XIRP2: variants seen among roughly 807,000 people sequenced by gnomAD.
The protein encoded by XIRP2 is xin actin-binding repeat-containing protein 2.
A neutral mutation model predicts 277.0 loss-of-function variants in XIRP2; 236 were observed. The observed-to-expected ratio is 0.85, with a 90% CI of 0.77 to 0.95. The LOEUF (loss-of-function observed/expected upper bound fraction) is 0.95. Among genes scored for constraint, XIRP2 ranks in the 40% least tolerant of loss-of-function variants. The pLI, the probability that XIRP2 is intolerant of heterozygous loss-of-function variation, is 0.00. For missense variants in XIRP2, 4,640 were observed against 4,157.5 expected, an observed-to-expected ratio of 1.12 and a Z score of -3.19; for synonymous variants, 1,490 against 1,416.5, an observed-to-expected ratio of 1.05 and a Z score of -1.17.
At chr2:166,947,601 A>G (rs1038467989) in intron 2 of XIRP2, among the ~76,000 whole-genome samples, 1 of 152,006 alleles carries the variant, frequency 6.6e-6, no homozygotes, top group African/African-American at 2.4e-5. Context: ...CACACATTTT[A>G]GTGTGGTGTT....
rs529131639 is a variant in XIRP2 at position 167,170,363 on chromosome 2, A to T, written c.562+34301A>T. On this transcript the variant is annotated intron_variant, in intron 3 of 10. Transcript: ENST00000409195. ...TCTTCCCTCTATTTTTCTGAAAAAA[A>T]TTTTAGGAAATATTGGTATTATTTC... 6.6e-5 allele frequency among the ~76,000 whole-genome samples: 10 copies of T among 152,218 alleles called. No homozygotes were observed. In the South Asian group the frequency reaches 2.1e-3, roughly 32 times the overall value.
At chr2:166,900,006 T>A (rs1684341499) in intron 1 of XIRP2, among the ~76,000 whole-genome samples, 1 of 151,970 alleles carries the variant, frequency 6.6e-6, no homozygotes, top group Non-Finnish European at 1.5e-5. Flanking sequence ...TAGATTATGA[T>A]GTGTGTTGGT....
At chr2:167,070,575 A>T (rs1323045894) in intron 2 of XIRP2, among the ~76,000 whole-genome samples, 1 of 152,196 alleles carries the variant, frequency 6.6e-6, no homozygotes, top group South Asian at 2.1e-4. Context: ...ATTGAGATAC[A>T]TTGTTATTTA....
chr2:167,030,975 G>T (rs1688329141), intron 2 of XIRP2, among the ~76,000 whole-genome samples: 1 of 149,496 alleles, frequency 6.7e-6, no homozygotes, highest in Admixed American at 6.7e-5. Flanking sequence ...GATCTTTGTT[G>T]GTTTCAAGTC....
intron 2 of XIRP2, among the ~76,000 whole-genome samples, chr2:167,099,176 G>A (rs990625635): frequency 1.3e-5 from 2 of 152,140 alleles, no homozygotes; most frequent in Non-Finnish European, 2.9e-5. Flanking sequence ...GACTGGGGCT[G>A]CTGCCTTTCT....
intron 2 of XIRP2, among the ~76,000 whole-genome samples, chr2:167,074,604 C>CTGTG (rs199933269): frequency 5.4e-5 from 8 of 147,672 alleles, no homozygotes; most frequent in South Asian, 2.2e-4. Context: ...TGGTTTCTTT[C>CTGTG]TGTGTGTGTG....
In XIRP2 at chr2:167,258,852, A is replaced by G; in HGVS notation, c.*1035A>G. The G allele has an allele frequency of 6.2e-7, 1 of 1,613,242 alleles. No individual in the cohort carries two copies. The highest frequency in any genetic ancestry group is 1.1e-5 in the South Asian group (1 of 91,062). The stretch of plus-strand genomic sequence containing the variant: ...TTACTTGGTATATTTGAATCTGAAA[A>G]GACTTATTCGAGGAATGTACTAGCA... On this transcript the variant is annotated 3_prime_UTR_variant, in exon 11 of 11. Transcript: ENST00000409195.
At chr2:167,217,369 G>C (rs1274607271) in intron 4 of XIRP2, among the ~76,000 whole-genome samples, 2 of 152,080 alleles carry the variant, frequency 1.3e-5, no homozygotes, top group Non-Finnish European at 1.5e-5. Context: ...AAAGCCCCCT[G>C]ATTCTGACAT....
chr2:167,230,534 A>G (rs140982262), intron 5 of XIRP2, among the ~76,000 whole-genome samples: 216 of 152,236 alleles, frequency 1.4e-3, no homozygotes, highest in African/African-American at 4.8e-3. Context: ...TGCATGTTGA[A>G]TGCATCACTT....
At chr2:166,981,012 T>A (rs1686852941) in intron 2 of XIRP2, among the ~76,000 whole-genome samples, 1 of 152,202 alleles carries the variant, frequency 6.6e-6, no homozygotes, top group Non-Finnish European at 1.5e-5. Context: ...AAATATATAC[T>A]CTTAACAAGA....
chr2:166,989,158 CT>C (rs1687105354), intron 2 of XIRP2, among the ~76,000 whole-genome samples: 1 of 116,686 alleles, frequency 8.6e-6, no homozygotes, highest in South Asian at 3.4e-4. Context: ...TCCCTGACCC[CT>C]GACCCCTAAC....
At chr2:167,240,325 G>A (rs1695024236) in intron 6 of XIRP2, among the ~76,000 whole-genome samples, 1 of 152,082 alleles carries the variant, frequency 6.6e-6, no homozygotes, top group African/African-American at 2.4e-5. Flanking sequence ...TGAGGCAGGA[G>A]AATCACGTGA....
intron 2 of XIRP2, among the ~76,000 whole-genome samples, chr2:167,031,094 A>T (rs1688333380): frequency 6.6e-6 from 1 of 150,800 alleles, no homozygotes; most frequent in Non-Finnish European, 1.5e-5. Context: ...GTGTCTTTAC[A>T]TGTGAGATGG....
At chr2:166,972,516 G>C (rs1488865656) in intron 2 of XIRP2, among the ~76,000 whole-genome samples, 5 of 152,138 alleles carry the variant, frequency 3.3e-5, no homozygotes, top group Non-Finnish European at 7.4e-5. Flanking sequence ...TGTAAGGAAG[G>C]AAGAGGAAAA....
chr2:166,980,212 G>A lies in XIRP2; in HGVS notation c.408+76322G>A, dbSNP rs191111019. On this transcript the variant is annotated intron_variant, in intron 2 of 10. Transcript: ENST00000409195. ...AAGCTCACTTTTGAACCTAGTATTG[G>A]TAACTTATAACTTTCTTTTTTTCTT... Among the ~76,000 whole-genome samples, 3 of 151,844 alleles carry A rather than the reference G, an allele frequency of 2.0e-5. No homozygotes were observed. The East Asian group carries it at 5.8e-4, about 29-fold the overall frequency.
At chr2:166,929,940 T>C (rs1054781947) in intron 2 of XIRP2, among the ~76,000 whole-genome samples, 1 of 152,168 alleles carries the variant, frequency 6.6e-6, no homozygotes, top group Admixed American at 6.6e-5. Context: ...AAGATCAGAT[T>C]ACATCAGAAT....
chr2:166,923,131 T>A (rs1685098952), intron 2 of XIRP2, among the ~76,000 whole-genome samples: 1 of 152,072 alleles, frequency 6.6e-6, no homozygotes, highest in East Asian at 1.9e-4. Context: ...CTATTGATAA[T>A]AACTTAGGAG....
intron 2 of XIRP2, among the ~76,000 whole-genome samples, chr2:166,971,935 C>T (rs1421974809): frequency 6.6e-6 from 1 of 151,904 alleles, no homozygotes; most frequent in Non-Finnish European, 1.5e-5. Flanking sequence ...CAGAAAAATA[C>T]GTGAATGAAT....
chr2:167,251,963 A>T lies in XIRP2; in HGVS notation c.10555+16A>T. 6.5e-7 allele frequency: 1 copy of T among 1,533,072 alleles called. No individual in the cohort carries two copies. The highest frequency in any genetic ancestry group is 8.7e-7 in the Non-Finnish European group (1 of 1,147,570). The allele number at this position is 1,533,072 out of a possible 1,614,324, so 95.0% of individuals were successfully genotyped here. ...TTTATAAGTGGTAAATGAGCTTGCAATGTGTTAAAGAAGATTAACCATTTA... is the reference window on the plus strand; with the variant it reads ...TTTATAAGTGGTAAATGAGCTTGCATTGTGTTAAAGAAGATTAACCATTTA... On this transcript the variant is annotated intron_variant, in intron 9 of 10. Transcript: ENST00000409195.
Sources: gnomAD v4.1 joint callset for allele counts (sites outside exome capture counted in the v4.1 genomes callset) on GRCh38, gnomAD v4.1.1 for gene constraint, MANE v1.5 for transcripts, NCBI Gene and HGNC (gene_info 2026-07-23, HGNC 2026-07-21) for gene names.